NTM: variants seen among roughly 807,000 people sequenced by gnomAD.
The protein encoded by NTM is neurotrimin.
NTM carries 13 observed loss-of-function variants against 42.1 expected under a neutral mutation model. That is an observed-to-expected ratio of 0.31 (90% confidence interval 0.20 to 0.49). The LOEUF (loss-of-function observed/expected upper bound fraction) is 0.49. Ranked by LOEUF, NTM falls within the 20% of genes least tolerant of loss-of-function variation. NTM has a pLI of 0.99. For missense variants in NTM, 373 were observed against 452.8 expected (o/e 0.82, Z 1.60); for synonymous variants, 187 against 179.2 (o/e 1.04, Z -0.35).
chr11:131,748,957 G>A (rs2082157776), intron 1 of NTM, among the ~76,000 whole-genome samples: 1 of 152,200 alleles, frequency 6.6e-6, no homozygotes, highest in Non-Finnish European at 1.5e-5. Flanking sequence ...GTGTACCTCT[G>A]TGGCCTGCCT....
chr11:131,632,514 C>T (rs944378692), intron 1 of NTM, among the ~76,000 whole-genome samples: 4 of 152,024 alleles, frequency 2.6e-5, no homozygotes, highest in African/African-American at 9.7e-5. Context: ...TGGTCTTAGA[C>T]CATTTTCACC....
chr11:132,243,971 C>T (rs571797681), intron 4 of NTM, among the ~76,000 whole-genome samples: 6 of 152,322 alleles, frequency 3.9e-5, no homozygotes, highest in Non-Finnish European at 5.9e-5. Flanking sequence ...TTGTCTCCGC[C>T]GTCTGCCATC....
At chr11:131,806,917 T>C (rs2136277279) in intron 1 of NTM, among the ~76,000 whole-genome samples, 1 of 152,256 alleles carries the variant, frequency 6.6e-6, no homozygotes, top group African/African-American at 2.4e-5. Context: ...TACCAAATAG[T>C]TATTAGGGTA....
chr11:132,239,077 C>T (rs1293099053), intron 4 of NTM, among the ~76,000 whole-genome samples: 1 of 152,160 alleles, frequency 6.6e-6, no homozygotes, highest in Non-Finnish European at 1.5e-5. Context: ...AAAAACTTCT[C>T]AGAAAGAATA....
At chr11:132,189,925 A>T (rs1042414366) in intron 3 of NTM, among the ~76,000 whole-genome samples, 1 of 152,250 alleles carries the variant, frequency 6.6e-6, no homozygotes. Context: ...AGATAAAAAC[A>T]TTATAGGTCC....
At chr11:131,420,177 G>A (rs1198372949) in intron 1 of NTM, among the ~76,000 whole-genome samples, 7 of 152,206 alleles carry the variant, frequency 4.6e-5, no homozygotes, top group Non-Finnish European at 1.0e-4. Flanking sequence ...TGCTGATGTG[G>A]TTAAGAATCC....
chr11:132,310,935 G>C (rs1295215758), intron 6 of NTM, among the ~76,000 whole-genome samples: 1 of 152,176 alleles, frequency 6.6e-6, no homozygotes, highest in Non-Finnish European at 1.5e-5. Flanking sequence ...CCATTTTTAA[G>C]GGGGATGAAC....
chr11:131,846,243 T>TC (rs2044887779), intron 1 of NTM, among the ~76,000 whole-genome samples: 2 of 152,300 alleles, frequency 1.3e-5, no homozygotes, highest in South Asian at 4.1e-4. Context: ...TTATACCTTT[T>TC]CTGTCTTTTT....
intron 1 of NTM, among the ~76,000 whole-genome samples, chr11:131,550,003 T>C (rs1208511309): frequency 1.3e-5 from 2 of 152,150 alleles, no homozygotes; most frequent in African/African-American, 4.8e-5. Context: ...GCACAAACAC[T>C]CAGTGTTTAC....
chr11:131,959,692 A>G (rs2061933056), intron 2 of NTM, among the ~76,000 whole-genome samples: 1 of 152,144 alleles, frequency 6.6e-6, no homozygotes, highest in South Asian at 2.1e-4. Flanking sequence ...CTCATCAACC[A>G]CTCTGACTGA....
intron 4 of NTM, among the ~76,000 whole-genome samples, chr11:132,237,168 C>G (rs949346176): frequency 6.6e-6 from 1 of 152,214 alleles, no homozygotes; most frequent in Admixed American, 6.5e-5. Context: ...AGTAAACGTC[C>G]GGAACATGGG....
At chr11:132,273,443 G>C (rs575564878) in intron 4 of NTM, among the ~76,000 whole-genome samples, 152 of 149,730 alleles carry the variant, frequency 1.0e-3, no homozygotes, top group Middle Eastern at 3.4e-3. Flanking sequence ...TGCATACAAT[G>C]GGTTGAGACG....
intron 1 of NTM, among the ~76,000 whole-genome samples, chr11:131,569,901 C>G (rs2057293763): frequency 6.6e-6 from 1 of 152,224 alleles, no homozygotes; most frequent in Non-Finnish European, 1.5e-5. Context: ...TTTTCTAGGC[C>G]TAAGAAAGAC....
intron 1 of NTM, among the ~76,000 whole-genome samples, chr11:131,786,095 G>C (rs1308194098): frequency 6.6e-6 from 1 of 152,130 alleles, no homozygotes; most frequent in Non-Finnish European, 1.5e-5. Context: ...CATTTTCTTC[G>C]GGGAAGAGAT....
At chr11:131,425,613 C>G (rs146184199) in intron 1 of NTM, among the ~76,000 whole-genome samples, 1 of 152,188 alleles carries the variant, frequency 6.6e-6, no homozygotes, top group Non-Finnish European at 1.5e-5. Flanking sequence ...AGCCCCACAC[C>G]TGCATAGTGT....
intron 1 of NTM, among the ~76,000 whole-genome samples, chr11:131,381,213 A>T (rs943447539): frequency 6.6e-6 from 1 of 152,156 alleles, no homozygotes; most frequent in Non-Finnish European, 1.5e-5. Flanking sequence ...AAAAGAGGAA[A>T]ATGACTGGAT....
intron 2 of NTM, among the ~76,000 whole-genome samples, chr11:132,085,693 A>C (rs2059617411): frequency 6.6e-6 from 1 of 152,180 alleles, no homozygotes; most frequent in Admixed American, 6.5e-5. Flanking sequence ...TTTTTTATAG[A>C]TATCATGCAC....
intron 4 of NTM, among the ~76,000 whole-genome samples, chr11:132,232,068 A>G (rs1314306678): frequency 6.6e-6 from 1 of 152,172 alleles, no homozygotes; most frequent in Admixed American, 6.5e-5. Flanking sequence ...GAGACACAAA[A>G]GGGAATTAAA....
chr11:131,872,249 A>G (rs545389), intron 1 of NTM, among the ~76,000 whole-genome samples: 113,118 of 152,110 alleles, frequency 0.74, 42,583 homozygotes, highest in East Asian at 0.97. Flanking sequence ...TAACCTTGAG[A>G]AAGTCCTCCC....
Sources: allele counts gnomAD v4.1 joint callset (sites outside exome capture counted in the v4.1 genomes callset), GRCh38; gene constraint gnomAD v4.1.1; transcripts MANE v1.5; gene names NCBI Gene and HGNC (gene_info 2026-07-23, HGNC 2026-07-21).